The following SFMBT2 variants were observed in gnomAD, a reference collection of about 807,000 sequenced individuals.
SFMBT2 encodes the protein scm-like with four MBT domains protein 2.
Under a neutral mutation model 110.1 loss-of-function variants are expected in SFMBT2, and 38 were observed. The observed-to-expected ratio is 0.35, with a 90% confidence interval of 0.27 to 0.45. SFMBT2 has a LOEUF of 0.45. SFMBT2 is among the 20% of genes least tolerant of loss of function. The pLI is 1.00. For missense variants in SFMBT2, 1,011 were observed against 1,094.9 expected, an observed-to-expected ratio of 0.92 and a Z score of 1.08; for synonymous variants, 425 against 425.4, an observed-to-expected ratio of 1.00 and a Z score of 0.01.
chr10:7,367,645 T>C lies in SFMBT2; in HGVS notation c.436+4A>G. 1 of 1,605,270 alleles carries C rather than the reference T, an allele frequency of 6.2e-7. No homozygotes were observed. On this transcript the variant is annotated splice_donor_region_variant and intron_variant, in intron 4 of 20. Transcript: ENST00000397167. The surrounding 1 kb of genome is among the most constrained non-coding windows in gnomAD (Gnocchi z 6.2). ...AAATCGAAGCCTTTGAAACAGGGGC[T>C]CACCGTCCGGCGGCATCAACACCTT...
chr10:7,245,883 T>G (rs1245723872), intron 8 of SFMBT2, among the ~76,000 whole-genome samples: 1 of 152,102 alleles, frequency 6.6e-6, no homozygotes, highest in East Asian at 1.9e-4. Flanking sequence ...AGGCCCAAGG[T>G]GGAAAAAAAA....
intron 20 of SFMBT2, among the ~76,000 whole-genome samples, chr10:7,168,603 CGT>C (rs777349815): frequency 3.3e-5 from 5 of 152,352 alleles, no homozygotes; most frequent in Admixed American, 1.3e-4. Context: ...GCGCTTGTCA[CGT>C]ATTTGAATAC....
intron 4 of SFMBT2, among the ~76,000 whole-genome samples, chr10:7,299,833 T>C (rs1273422973): frequency 6.6e-6 from 1 of 152,178 alleles, no homozygotes; most frequent in Non-Finnish European, 1.5e-5. Flanking sequence ...CATTCTACTT[T>C]AAAGACACAT....
chr10:7,194,186 C>A (rs1023171362), intron 15 of SFMBT2, among the ~76,000 whole-genome samples: 2 of 152,136 alleles, frequency 1.3e-5, no homozygotes, highest in Admixed American at 6.5e-5. Flanking sequence ...CCTCAGTGGA[C>A]CATTGAGTGA....
intron 9 of SFMBT2, among the ~76,000 whole-genome samples, chr10:7,234,226 A>C (rs1273535923): frequency 6.6e-6 from 1 of 152,152 alleles, no homozygotes; most frequent in Non-Finnish European, 1.5e-5. Flanking sequence ...ACAAACAAAC[A>C]AACAGAAAAT....
intron 9 of SFMBT2, among the ~76,000 whole-genome samples, chr10:7,240,239 T>C (rs1168949421): frequency 1.3e-5 from 2 of 152,180 alleles, no homozygotes; most frequent in African/African-American, 4.8e-5. Context: ...CAAACACTCA[T>C]AGGTACTGTT....
At chr10:7,214,605 G>A (rs1839469494) in intron 11 of SFMBT2, 1 of 985,382 alleles carries the variant, frequency 1.0e-6, no homozygotes, top group African/African-American at 1.7e-5. Flanking sequence ...CACACTTGCA[G>A]AAATCAGAAA....
intron 9 of SFMBT2, among the ~76,000 whole-genome samples, chr10:7,234,282 C>A: frequency 1.3e-5 from 2 of 152,244 alleles, no homozygotes; most frequent in African/African-American, 4.8e-5. Flanking sequence ...CTAGCCCTAC[C>A]GCCTTCCTTA....
At chr10:7,386,913 A>G (rs1021118038) in intron 1 of SFMBT2, among the ~76,000 whole-genome samples, 1 of 152,236 alleles carries the variant, frequency 6.6e-6, no homozygotes, top group Non-Finnish European at 1.5e-5. Context: ...TCACCTGCTC[A>G]GCATCACAGA....
At chr10:7,343,111 C>T (rs1163362438) in intron 4 of SFMBT2, among the ~76,000 whole-genome samples, 6 of 152,212 alleles carry the variant, frequency 3.9e-5, no homozygotes, top group East Asian at 1.9e-4. Context: ...CTATTTAGTT[C>T]CCACTTCTAA....
chr10:7,315,058 A>AAGAAAGAAAGAAAGAG (rs1842962705), intron 4 of SFMBT2, among the ~76,000 whole-genome samples: 2 of 136,046 alleles, frequency 1.5e-5, no homozygotes, highest in African/African-American at 5.4e-5. Flanking sequence ...GAAAGAAAGA[A>AAGAAAGAAAGAAAGAG]AGAAAGAAAG....
chr10:7,329,787 A>C (rs1402938023), intron 4 of SFMBT2, among the ~76,000 whole-genome samples: 1 of 152,212 alleles, frequency 6.6e-6, no homozygotes, highest in Non-Finnish European at 1.5e-5. Flanking sequence ...GCCCAGGACA[A>C]GGGTTCCAGC....
chr10:7,408,900 C>G lies in SFMBT2; in HGVS notation c.-52+1961G>C, dbSNP rs2132138992. Among the ~76,000 whole-genome samples the G allele has an allele frequency of 6.6e-6, 1 of 152,302 alleles. No homozygotes were observed. Among genetic ancestry groups the G allele is most frequent in the Admixed American group, 6.5e-5 (1 of 15,300 alleles). On this transcript the variant is annotated intron_variant, in intron 1 of 20. Coordinates refer to ENST00000397167, the MANE Select transcript of SFMBT2 (RefSeq NM_001387889.1). This position sits in a 1 kb window ranked among gnomAD's most constrained non-coding sequence, Gnocchi z 5.7. The stretch of plus-strand genomic sequence containing the variant: ...TGCCCGGCCTCCATGCCCGCCAAGA[C>G]AAGAAGATGCCCCTCTCCGATGCGC...
At chr10:7,352,914 G>A (rs773174805) in intron 4 of SFMBT2, among the ~76,000 whole-genome samples, 1 of 152,166 alleles carries the variant, frequency 6.6e-6, no homozygotes, top group Admixed American at 6.5e-5. Flanking sequence ...GGGAGGTGAG[G>A]CAGGAGAATG....
intron 7 of SFMBT2, among the ~76,000 whole-genome samples, chr10:7,255,898 C>T (rs1312422955): frequency 2.0e-5 from 3 of 152,166 alleles, no homozygotes; most frequent in Non-Finnish European, 2.9e-5. Flanking sequence ...GGAGCCTTTT[C>T]GATTTCAGGT....
intron 3 of SFMBT2, 128 bp downstream of exon 3, chr10:7,370,153 C>A: frequency 1.4e-6 from 1 of 740,528 alleles, no homozygotes. Context: ...AGGTGTGAGC[C>A]ACCATGCCTG....
At chr10:7,235,930 T>C (rs954523050) in intron 9 of SFMBT2, among the ~76,000 whole-genome samples, 5 of 152,132 alleles carry the variant, frequency 3.3e-5, no homozygotes, top group African/African-American at 7.2e-5. Flanking sequence ...GGAAATAAAT[T>C]CACACTCAAT....
Position 7,325,825 on chromosome 10 carries a change from T to C in SFMBT2, c.437-39871A>G, listed in dbSNP as rs546594177. ...GGATGATGAAAATGTTCTAATGTTT[T>C]GGTGGTGGTTGCAAAACTCTGAATA... is the stretch of plus-strand genomic sequence containing the variant. On this transcript the variant is annotated intron_variant, in intron 4 of 20. Coordinates refer to ENST00000397167, the MANE Select transcript of SFMBT2 (RefSeq NM_001387889.1). Among the ~76,000 whole-genome samples, 4 of 152,334 alleles carry C rather than the reference T, an allele frequency of 2.6e-5. No individual in the cohort carries two copies. In the South Asian group the frequency reaches 8.3e-4, roughly 32 times the overall value.
intron 4 of SFMBT2, among the ~76,000 whole-genome samples, chr10:7,314,796 T>C (rs544892680): frequency 2.5e-4 from 38 of 151,666 alleles, no homozygotes; most frequent in Non-Finnish European, 4.1e-4. Flanking sequence ...TATTCCCAGC[T>C]ACCTGGGAGG....
Sources: allele counts gnomAD v4.1 joint callset (sites outside exome capture counted in the v4.1 genomes callset), GRCh38; gene constraint gnomAD v4.1.1; non-coding constraint Gnocchi (gnomAD v3.1); transcripts MANE v1.5; gene names NCBI Gene and HGNC (gene_info 2026-07-23, HGNC 2026-07-21).